RPS6KA2: variants seen among roughly 807,000 people sequenced by gnomAD.
RPS6KA2 encodes ribosomal protein S6 kinase A2, also known as ribosomal protein S6 kinase alpha-2.
A neutral mutation model predicts 91.8 loss-of-function variants in RPS6KA2; 42 were observed. The observed-to-expected ratio is 0.46, with a 90% CI of 0.36 to 0.59. RPS6KA2 has a LOEUF of 0.59. RPS6KA2 is among the 20% of genes least tolerant of loss of function. The pLI is 0.00. For synonymous variants in RPS6KA2, 414 were observed against 393.6 expected (o/e 1.05, Z -0.61); for missense variants, 798 against 978.5 (o/e 0.82, Z 2.46).
chr6:166,412,720 C>T lies in RPS6KA2; in HGVS notation c.*42G>A. 2.6e-6 allele frequency: 4 copies of T among 1,551,426 alleles called. No individual in the cohort carries two copies. Among genetic ancestry groups the T allele is most frequent in the South Asian group, 2.4e-5 (2 of 84,608 alleles). ...TCCGAGGCCGGGGTCTGTGAGCCCA[C>T]GAGGATGCTGGCAGGGGACGCTGGG... On this transcript the variant is annotated 3_prime_UTR_variant, in exon 21 of 21. Transcript: ENST00000265678. This position sits in a 1 kb window ranked among gnomAD's most constrained non-coding sequence, Gnocchi z 4.3.
chr6:166,668,297 C>T (rs1788375201), intron 2 of RPS6KA2, among the ~76,000 whole-genome samples: 2 of 152,152 alleles, frequency 1.3e-5, no homozygotes, highest in Non-Finnish European at 2.9e-5. Context: ...GTGTGGGGCC[C>T]TTGGCACCTC....
chr6:166,752,231 G>C (rs560462080), intron 2 of RPS6KA2, among the ~76,000 whole-genome samples: 51 of 152,344 alleles, frequency 3.3e-4, no homozygotes, highest in Admixed American at 1.4e-3. Context: ...CCACAACCCA[G>C]GTCCTCTGTG....
At chr6:166,525,437 T>A (rs1022993197) in intron 3 of RPS6KA2, among the ~76,000 whole-genome samples, 6 of 152,114 alleles carry the variant, frequency 3.9e-5, no homozygotes, top group African/African-American at 1.2e-4. Context: ...CCTCAGCAGC[T>A]GAGCAGATGA....
At chr6:166,611,145 T>C (rs548373636) in intron 1 of RPS6KA2, among the ~76,000 whole-genome samples, 7 of 152,336 alleles carry the variant, frequency 4.6e-5, no homozygotes, top group Non-Finnish European at 1.0e-4. Context: ...TGAAAAAGCA[T>C]TTCTACTATG....
At chr6:166,646,328 C>A (rs1787600824) in intron 2 of RPS6KA2, among the ~76,000 whole-genome samples, 1 of 152,168 alleles carries the variant, frequency 6.6e-6, no homozygotes, top group Admixed American at 6.5e-5. Flanking sequence ...CCCCCCTGGA[C>A]CCACACGCCC....
rs531331632 is a variant in RPS6KA2 at position 166,679,296 on chromosome 6, A to G, written c.124-140512T>C. ...TGGCAAAACCCCAACTCTCTTTAAA[A>G]AAAAAAAAAATACAAAAATTAGCCA... On this transcript the variant is annotated intron_variant, in intron 2 of 21. Coordinates refer to the RPS6KA2 transcript ENST00000503859. 2.0e-5 allele frequency among the ~76,000 whole-genome samples: 3 copies of G among 151,878 alleles called. No homozygotes were observed. The East Asian group carries it at 5.8e-4, about 29-fold the overall frequency.
chr6:166,451,297 A>AGTGT, intron 12 of RPS6KA2, 64 bp from the exon 13 acceptor site: 1 of 1,573,614 alleles, frequency 6.4e-7, no homozygotes, highest in Non-Finnish European at 8.7e-7. Flanking sequence ...GTGAAGTGAT[A>AGTGT]GTGTGTGTGT....
At chr6:166,790,776 G>A (rs1439074015) in intron 2 of RPS6KA2, among the ~76,000 whole-genome samples, 1 of 152,188 alleles carries the variant, frequency 6.6e-6, no homozygotes, top group Admixed American at 6.5e-5. Flanking sequence ...CTTCATAAGT[G>A]AAAGAGAAAT....
At chr6:166,547,892 A>C (rs2061045706) in intron 1 of RPS6KA2, among the ~76,000 whole-genome samples, 1 of 152,252 alleles carries the variant, frequency 6.6e-6, no homozygotes, top group Non-Finnish European at 1.5e-5. Context: ...TCCATGGTCG[A>C]CCAATAGGCA....
intron 14 of RPS6KA2, among the ~76,000 whole-genome samples, chr6:166,442,430 A>G (rs1479811482): frequency 6.6e-6 from 1 of 152,166 alleles, no homozygotes. Context: ...TATGTGTTGA[A>G]CCGTTCTGAG....
intron 2 of RPS6KA2, among the ~76,000 whole-genome samples, chr6:166,695,122 A>G (rs979165437): frequency 6.6e-6 from 1 of 152,232 alleles, no homozygotes; most frequent in Non-Finnish European, 1.5e-5. Flanking sequence ...TACAGTTGAT[A>G]TGGCTGCTGT....
intron 1 of RPS6KA2, among the ~76,000 whole-genome samples, chr6:166,582,931 A>G (rs1211642555): frequency 6.6e-6 from 1 of 152,226 alleles, no homozygotes; most frequent in Non-Finnish European, 1.5e-5. Flanking sequence ...TAATTTGAAG[A>G]TTTAAGAAAA....
intron 1 of RPS6KA2, among the ~76,000 whole-genome samples, chr6:166,583,404 T>C (rs1413666451): frequency 6.6e-6 from 1 of 152,168 alleles, no homozygotes; most frequent in Non-Finnish European, 1.5e-5. Flanking sequence ...GTCTTGGTGA[T>C]TAAATTGTTG....
At position 166,410,263 on chromosome 6, in the gene RPS6KA2, G is replaced by A. The variant is rs1442226646; in HGVS notation, c.*2499C>T. ...TCTATGTCATTTGTGCAAATCATAC[G>A]GAGCATTTCATTCGTTGTGGAGGTG... On this transcript the variant is annotated 3_prime_UTR_variant, in exon 21 of 21. Coordinates refer to ENST00000265678, the MANE Select transcript of RPS6KA2 (RefSeq NM_021135.6). 5 of 152,172 alleles carry A rather than the reference G, an allele frequency of 3.3e-5. No homozygotes were observed. The highest frequency in any genetic ancestry group is 1.2e-4 in the African/African-American group (5 of 41,436). 9.4% of individuals were successfully genotyped at this position (152,172 alleles called of 1,614,324 possible).
intron 10 of RPS6KA2, among the ~76,000 whole-genome samples, chr6:166,471,736 A>G (rs1032519597): frequency 1.3e-5 from 2 of 152,186 alleles, no homozygotes; most frequent in African/African-American, 4.8e-5. Context: ...ATCAGACCAG[A>G]GGTTATGAGT....
intron 2 of RPS6KA2, among the ~76,000 whole-genome samples, chr6:166,787,975 C>CAAAA (rs3066794): frequency 1.9e-4 from 15 of 78,920 alleles, no homozygotes; most frequent in Non-Finnish European, 2.9e-4. Context: ...AACAAATTTA[C>CAAAA]AAAAAAAAAA....
At chr6:166,858,148 TG>T in intron 2 of RPS6KA2, 1 of 1,086,532 alleles carries the variant, frequency 9.2e-7, no homozygotes, top group East Asian at 2.4e-5. Flanking sequence ...CACCACCTTC[TG>T]GGCCCAATCT....
intron 1 of RPS6KA2, among the ~76,000 whole-genome samples, chr6:166,565,062 T>C (rs999151714): frequency 6.6e-6 from 1 of 152,156 alleles, no homozygotes; most frequent in Admixed American, 6.5e-5. Context: ...AAGAGCCACT[T>C]GGCGAAGTGG....
chr6:166,802,004 T>C (rs994743251), intron 2 of RPS6KA2, among the ~76,000 whole-genome samples: 3 of 152,114 alleles, frequency 2.0e-5, no homozygotes, highest in Non-Finnish European at 4.4e-5. Context: ...ACACCTGTAA[T>C]CCCAGCACTT....
Sources: gnomAD v4.1 joint callset for allele counts (sites outside exome capture counted in the v4.1 genomes callset) on GRCh38, gnomAD v4.1.1 for gene constraint, Gnocchi (gnomAD v3.1) non-coding constraint, MANE v1.5 for transcripts, NCBI Gene and HGNC (gene_info 2026-07-23, HGNC 2026-07-21) for gene names.